Variants in KLF12 observed in about 807,000 individuals in gnomAD.
KLF12 encodes Krueppel-like factor 12.
Under a neutral mutation model 37.8 loss-of-function variants are expected in KLF12, and 9 were observed. The observed-to-expected ratio is 0.24, with a 90% CI of 0.14 to 0.42. KLF12 has a LOEUF of 0.42. Ranked by LOEUF, KLF12 falls within the 10% of genes least tolerant of loss-of-function variation. The pLI, the probability that KLF12 is intolerant of heterozygous loss-of-function variation, is 1.00. For missense variants in KLF12, 411 were observed against 516.0 expected, an observed-to-expected ratio of 0.80 and a Z score of 1.97; for synonymous variants, 208 against 202.1, an observed-to-expected ratio of 1.03 and a Z score of -0.25.
At chr13:74,218,590 TA>T in the KLF12 span, among the ~76,000 whole-genome samples, 1 of 152,166 alleles carries the variant, frequency 6.6e-6, no homozygotes, top group Non-Finnish European at 1.5e-5. Flanking sequence ...CGAACTCAGG[TA>T]AACTTGAAAG....
chr13:73,712,286 C>T (rs1448544801), intron 7 of KLF12, among the ~76,000 whole-genome samples: 7 of 141,444 alleles, frequency 4.9e-5, no homozygotes, highest in South Asian at 2.3e-4. Flanking sequence ...TGAGGTAAGC[C>T]GAGATTGCGC....
intron 3 of KLF12, among the ~76,000 whole-genome samples, chr13:73,904,430 AAG>A (rs149142474): frequency 0.031 from 4,610 of 149,616 alleles, 107 homozygotes; most frequent in Non-Finnish European, 0.049. Flanking sequence ...CTACTTCACT[AAG>A]AGATGGAAAG....
intron 2 of KLF12, among the ~76,000 whole-genome samples, chr13:73,954,507 C>T (rs563653659): frequency 5.3e-5 from 8 of 152,078 alleles, no homozygotes; most frequent in African/African-American, 1.9e-4. Context: ...AAAAGCATGA[C>T]GTAGTGTTTG....
At chr13:74,000,724 T>C (rs998840373) in intron 1 of KLF12, among the ~76,000 whole-genome samples, 1 of 152,200 alleles carries the variant, frequency 6.6e-6, no homozygotes, top group Non-Finnish European at 1.5e-5. Flanking sequence ...AAAAGCACAC[T>C]GACATGGAAA....
chr13:73,826,289 T>C (rs1883840417), intron 4 of KLF12, among the ~76,000 whole-genome samples: 1 of 152,164 alleles, frequency 6.6e-6, no homozygotes, highest in African/African-American at 2.4e-5. Context: ...CATTTTTATT[T>C]ATCTCATTTC....
At chr13:74,219,950 AT>A in the KLF12 span, among the ~76,000 whole-genome samples, 1 of 152,028 alleles carries the variant, frequency 6.6e-6, no homozygotes, top group Non-Finnish European at 1.5e-5. Context: ...TAATTTTAGG[AT>A]TTTTTTAACC....
chr13:74,241,756 C>T, the KLF12 span, among the ~76,000 whole-genome samples: 1 of 152,204 alleles, frequency 6.6e-6, no homozygotes, highest in Admixed American at 6.5e-5. Flanking sequence ...AGAAAGGGAA[C>T]TCCCTGACCC....
chr13:73,967,608 T>C (rs1891208177), intron 2 of KLF12, among the ~76,000 whole-genome samples: 1 of 152,156 alleles, frequency 6.6e-6, no homozygotes, highest in Admixed American at 6.5e-5. Flanking sequence ...TACAAAACAG[T>C]CATCCAGTCA....
the KLF12 span, among the ~76,000 whole-genome samples, chr13:74,159,282 A>G: frequency 1.3e-5 from 2 of 152,222 alleles, no homozygotes; most frequent in Non-Finnish European, 2.9e-5. Context: ...CTTCACATGA[A>G]TGAGTGCCAT....
rs1442228223 is a variant in KLF12 at position 73,846,160 on chromosome 13, T to C, written c.337A>G (p.Thr113Ala). 1 of 1,613,974 alleles carries C rather than the reference T, an allele frequency of 6.2e-7. No individual in the cohort carries two copies. Among genetic ancestry groups the C allele is most frequent in the Non-Finnish European group, 8.5e-7 (1 of 1,179,980 alleles). ...CTAGAAGACGATGAAGAGGTTGAAG[T>C]TGAAGAAGGTGAGGAGGCAGATGCT... The change falls in exon 4 of 8, where the codon ACT (threonine) becomes GCT (alanine). Residue 113 changes from threonine (T) to alanine (A), a missense_variant. Physicochemically the swap from Thr to Ala is moderately conservative, Grantham distance 58 (BLOSUM62 0). Around this residue, in one of 2 missense-constraint regions of KLF12, gnomAD observed 351 missense variants for 397.8 expected, o/e 0.88. Transcript: ENST00000377669.
intron 6 of KLF12, among the ~76,000 whole-genome samples, chr13:73,745,186 G>C (rs1042594174): frequency 4.6e-5 from 7 of 152,160 alleles, no homozygotes; most frequent in African/African-American, 1.7e-4. Flanking sequence ...GTTCTGTTTT[G>C]CACATGTGCT....
At chr13:74,190,216 C>T in the KLF12 span, among the ~76,000 whole-genome samples, 3 of 151,904 alleles carry the variant, frequency 2.0e-5, no homozygotes, top group African/African-American at 7.3e-5. Context: ...TTTCAGCTTC[C>T]GTGACAACAA....
At chr13:74,290,908 A>G in the KLF12 span, among the ~76,000 whole-genome samples, 1 of 152,266 alleles carries the variant, frequency 6.6e-6, no homozygotes, top group African/African-American at 2.4e-5. Context: ...AAATAAATGA[A>G]CAAACAAACA....
At chr13:74,073,805 T>C (rs1427293037) in intron 1 of KLF12, among the ~76,000 whole-genome samples, 6 of 152,214 alleles carry the variant, frequency 3.9e-5, no homozygotes, top group African/African-American at 1.4e-4. Context: ...CTGAATTTAC[T>C]TTTGAAAATA....
chr13:73,985,214 C>T (rs1184162613), intron 2 of KLF12, among the ~76,000 whole-genome samples: 1 of 152,146 alleles, frequency 6.6e-6, no homozygotes, highest in East Asian at 1.9e-4. Context: ...AAGGAGAAGC[C>T]GACTCCACCA....
chr13:74,129,142 A>G (rs779567591), intron 1 of KLF12, among the ~76,000 whole-genome samples: 1 of 152,232 alleles, frequency 6.6e-6, no homozygotes, highest in Non-Finnish European at 1.5e-5. Context: ...ATAAAAAATA[A>G]TGCAGTATTT....
intron 3 of KLF12, among the ~76,000 whole-genome samples, chr13:73,902,170 AATAC>A (rs766220095): frequency 6.6e-6 from 1 of 152,338 alleles, no homozygotes; most frequent in East Asian, 1.9e-4. Flanking sequence ...ATTATCCCAA[AATAC>A]ATACGGTGTG....
At chr13:74,063,455 T>G (rs1175137911) in intron 1 of KLF12, among the ~76,000 whole-genome samples, 2 of 152,206 alleles carry the variant, frequency 1.3e-5, no homozygotes, top group African/African-American at 4.8e-5. Context: ...TTAACAACCT[T>G]CATATTTCAT....
the KLF12 span, among the ~76,000 whole-genome samples, chr13:74,172,118 T>G: frequency 2.0e-5 from 3 of 149,302 alleles, no homozygotes; most frequent in African/African-American, 4.9e-5. Flanking sequence ...TGTAGATGGA[T>G]CAATCCAAAT....
Sources: allele counts gnomAD v4.1 joint callset (sites outside exome capture counted in the v4.1 genomes callset), GRCh38; gene constraint gnomAD v4.1.1; regional missense constraint gnomAD v4.1.1; transcripts MANE v1.5; gene names NCBI Gene and HGNC (gene_info 2026-07-23, HGNC 2026-07-21).